Variants in CSMD1 observed in about 807,000 individuals in gnomAD.
CSMD1 encodes CUB and sushi domain-containing protein 1.
In CSMD1, 213 loss-of-function variants were observed where a neutral mutation model predicts 417.5. That is an observed-to-expected ratio of 0.51 (90% CI 0.46 to 0.57). The LOEUF (loss-of-function observed/expected upper bound fraction) is 0.57. Among genes scored for constraint, CSMD1 ranks in the 20% least tolerant of loss-of-function variants. The pLI is 0.00. For missense variants in CSMD1, 6,923 were observed against 4,529.7 expected (o/e 1.53, Z -15.17); for synonymous variants, 2,862 against 1,736.8 (o/e 1.65, Z -16.11).
At chr8:3,232,219 G>A (rs1364211813) in intron 26 of CSMD1, among the ~76,000 whole-genome samples, 1 of 152,092 alleles carries the variant, frequency 6.6e-6, no homozygotes, top group Non-Finnish European at 1.5e-5. Context: ...GACTATAAAT[G>A]TATGCATTCC....
chr8:2,994,432 C>T (rs1293394460), intron 54 of CSMD1, among the ~76,000 whole-genome samples: 7 of 152,140 alleles, frequency 4.6e-5, no homozygotes, highest in Admixed American at 4.6e-4. Context: ...GACGCAGGTG[C>T]TGATGTCATG....
At chr8:3,303,404 C>T (rs1391539880) in intron 25 of CSMD1, among the ~76,000 whole-genome samples, 1 of 152,190 alleles carries the variant, frequency 6.6e-6, no homozygotes. Context: ...GCCAGCAGAA[C>T]ACCAGGGTCG....
At chr8:4,843,532 C>T (rs578233932) in intron 1 of CSMD1, among the ~76,000 whole-genome samples, 1 of 152,234 alleles carries the variant, frequency 6.6e-6, no homozygotes, top group East Asian at 1.9e-4. Flanking sequence ...TCTGCACCTC[C>T]AAGTCTTCAC....
rs190215899 is a variant in CSMD1 at position 3,296,909 on chromosome 8, C to T, written c.3950+10786G>A. Among the ~76,000 whole-genome samples, 20 of 152,158 alleles carry T rather than the reference C, an allele frequency of 1.3e-4. No individual in the cohort carries two copies. In the East Asian group the frequency reaches 3.3e-3, roughly 25 times the overall value. On this transcript the variant is annotated intron_variant, in intron 25 of 69. Coordinates refer to ENST00000635120, the MANE Select transcript of CSMD1 (RefSeq NM_033225.6). The stretch of plus-strand genomic sequence containing the variant: ...GGAGGGGTATGTAGGTAGCTGTTCA[C>T]GTAAGTTGGAGTTTCAGAGAGAAGT...
intron 1 of CSMD1, among the ~76,000 whole-genome samples, chr8:4,806,866 G>A (rs1227440000): frequency 6.6e-6 from 1 of 152,118 alleles, no homozygotes; most frequent in Non-Finnish European, 1.5e-5. Context: ...TAAAACTGCA[G>A]CCTGAAAGAT....
chr8:4,078,178 A>G (rs946588786), intron 3 of CSMD1, among the ~76,000 whole-genome samples: 2 of 152,008 alleles, frequency 1.3e-5, no homozygotes, highest in East Asian at 1.9e-4. Context: ...TCAGTTTGCT[A>G]TTTTCAACTC....
intron 10 of CSMD1, among the ~76,000 whole-genome samples, chr8:3,527,328 C>G (rs558383449): frequency 2.0e-5 from 3 of 152,220 alleles, no homozygotes; most frequent in Admixed American, 6.5e-5. Context: ...TAAAGGCACT[C>G]GTGCCCTTTC....
chr8:3,558,057 G>GCA (rs1799237047), intron 10 of CSMD1, among the ~76,000 whole-genome samples: 3 of 101,578 alleles, frequency 3.0e-5, no homozygotes, highest in African/African-American at 8.5e-5. Flanking sequence ...CCACTCCTCT[G>GCA]ATGATGAATA....
At chr8:4,401,714 T>C (rs1057265110) in intron 3 of CSMD1, among the ~76,000 whole-genome samples, 1 of 152,130 alleles carries the variant, frequency 6.6e-6, no homozygotes, top group African/African-American at 2.4e-5. Context: ...CCTCCTTCTT[T>C]GAGAATTCCC....
intron 3 of CSMD1, among the ~76,000 whole-genome samples, chr8:4,273,902 C>T (rs1232939820): frequency 6.6e-6 from 1 of 152,162 alleles, no homozygotes; most frequent in Non-Finnish European, 1.5e-5. Flanking sequence ...TAAGTGTTGA[C>T]TCTCACCATT....
At chr8:4,904,994 T>C (rs1484803822) in intron 1 of CSMD1, among the ~76,000 whole-genome samples, 3 of 152,142 alleles carry the variant, frequency 2.0e-5, no homozygotes, top group Non-Finnish European at 4.4e-5. Flanking sequence ...TTTGCAAAGG[T>C]ATTACTCACT....
chr8:4,955,557 G>A (rs1342087003), intron 1 of CSMD1, among the ~76,000 whole-genome samples: 3 of 151,964 alleles, frequency 2.0e-5, no homozygotes, highest in Admixed American at 1.3e-4. Flanking sequence ...CTGGGTTCAA[G>A]AGACTCTCCT....
chr8:3,826,331 C>G (rs1802052188), intron 5 of CSMD1, among the ~76,000 whole-genome samples: 1 of 152,074 alleles, frequency 6.6e-6, no homozygotes, highest in Admixed American at 6.6e-5. Context: ...TTGAAATGAG[C>G]TAAAAGAATG....
At chr8:2,963,158 C>G in intron 60 of CSMD1, 64 bp downstream of exon 60, 1 of 1,555,398 alleles carries the variant, frequency 6.4e-7, no homozygotes, top group East Asian at 2.3e-5. Flanking sequence ...TTAGGATGTG[C>G]CCTGGTTATC....
At chr8:3,758,925 A>G (rs184674724) in intron 5 of CSMD1, among the ~76,000 whole-genome samples, 2 of 152,310 alleles carry the variant, frequency 1.3e-5, no homozygotes, top group African/African-American at 2.4e-5. Context: ...TCCAGGTAGA[A>G]GAGCCTGTGG....
chr8:3,360,376 C>G (rs192159298), intron 20 of CSMD1, among the ~76,000 whole-genome samples: 2 of 152,170 alleles, frequency 1.3e-5, no homozygotes, highest in Admixed American at 1.3e-4. Context: ...GTAGTATGTA[C>G]GTATAATTGA....
intron 26 of CSMD1, among the ~76,000 whole-genome samples, chr8:3,268,377 C>T (rs1446815908): frequency 6.8e-6 from 1 of 147,456 alleles, no homozygotes; most frequent in African/African-American, 2.5e-5. Flanking sequence ...CAAGCTCCGC[C>T]TCCGAGGTTC....
intron 52 of CSMD1, among the ~76,000 whole-genome samples, chr8:3,010,357 A>G (rs1585143222): frequency 1.3e-5 from 2 of 152,260 alleles, no homozygotes; most frequent in South Asian, 4.2e-4. Context: ...GTGCAGCACC[A>G]TGCCTTGTGC....
intron 49 of CSMD1, among the ~76,000 whole-genome samples, chr8:3,079,644 T>C (rs1479145107): frequency 1.3e-5 from 2 of 152,184 alleles, no homozygotes; most frequent in African/African-American, 4.8e-5. Context: ...GAGAATGATG[T>C]TGTTTTAAAA....
Sources: allele counts gnomAD v4.1 joint callset (sites outside exome capture counted in the v4.1 genomes callset), GRCh38; gene constraint gnomAD v4.1.1; transcripts MANE v1.5; gene names NCBI Gene and HGNC (gene_info 2026-07-23, HGNC 2026-07-21).